The following MSTO1 variants were observed in gnomAD, a reference collection of about 807,000 sequenced individuals.
The protein encoded by MSTO1 is protein misato homolog 1.
MSTO1 carries 24 observed loss-of-function variants against 55.7 expected under a neutral mutation model. The observed-to-expected ratio is 0.43, with a 90% CI of 0.31 to 0.61. The LOEUF (loss-of-function observed/expected upper bound fraction) is 0.61. MSTO1 is among the 20% of genes least tolerant of loss of function. The pLI is 0.09. For missense variants in MSTO1, 363 were observed against 625.7 expected, an observed-to-expected ratio of 0.58 and a Z score of 4.48; for synonymous variants, 162 against 252.8, an observed-to-expected ratio of 0.64 and a Z score of 3.41.
At chr1:155,582,605 GC>G in the MSTO1 span, among the ~76,000 whole-genome samples, 2 of 150,990 alleles carry the variant, frequency 1.3e-5, no homozygotes, top group African/African-American at 4.9e-5. Flanking sequence ...ATTACAAGGT[GC>G]CCACAACAAC....
chr1:155,572,681 G>C, the MSTO1 span, among the ~76,000 whole-genome samples: 1 of 151,706 alleles, frequency 6.6e-6, no homozygotes, highest in African/African-American at 2.4e-5. Flanking sequence ...ATGGAGTTTC[G>C]CTCTTGTTGC....
At chr1:155,610,065 G>C (rs964094172), upstream of MSTO1, 1 of 633,118 alleles carries the variant, frequency 1.6e-6, no homozygotes, top group African/African-American at 1.9e-5. Context: ...CAGAGAAGCC[G>C]GACTGGGCCA....
At chr1:155,609,233 AT>A, upstream of MSTO1, among the ~76,000 whole-genome samples, 1 of 47,744 alleles carries the variant, frequency 2.1e-5, no homozygotes, top group African/African-American at 6.5e-5. Flanking sequence ...ATATATATAT[AT>A]ATATATATAT....
chr1:155,597,620 C>G, the MSTO1 span, among the ~76,000 whole-genome samples: 1 of 151,018 alleles, frequency 6.6e-6, no homozygotes, highest in South Asian at 2.1e-4. Flanking sequence ...AGCGATTCTC[C>G]CGTCTCAGCC....
At position 155,613,545 on chromosome 1, in the gene MSTO1, A is replaced by G; in HGVS notation, c.1367A>G (p.Gln456Arg). The G allele has an allele frequency of 6.2e-7, 1 of 1,612,800 alleles. No individual in the cohort carries two copies. The highest frequency in any genetic ancestry group is 8.5e-7 in the Non-Finnish European group (1 of 1,179,390). ...GAAATCTTGGCTCAGTATTTACAAC[A>G]GCAGCAGCCTGGAGTCATGAGGTCA... The part of the protein sequence containing the change: ...GEEILAQYLQ[Q>R]QQPGVMSSSH... Residue 456 changes from glutamine to arginine, a missense_variant, in exon 12 of 14, where the codon CAG becomes CGG. Physicochemically the swap from Gln to Arg is conservative, Grantham distance 43. Coordinates refer to ENST00000245564, the MANE Select transcript of MSTO1 (RefSeq NM_018116.4).
the MSTO1 span, among the ~76,000 whole-genome samples, chr1:155,580,907 CAAAAAA>C: frequency 1.1e-5 from 1 of 91,704 alleles, no homozygotes. Context: ...GACTCTGTCT[CAAAAAA>C]AAAAAAAAAA....
chr1:155,572,069 C>T, the MSTO1 span, among the ~76,000 whole-genome samples: 1 of 151,120 alleles, frequency 6.6e-6, no homozygotes, highest in Non-Finnish European at 1.5e-5. Context: ...AGAAATTAGT[C>T]TTTGTGAGCC....
chr1:155,590,475 A>G, the MSTO1 span: 1 of 489,968 alleles, frequency 2.0e-6, no homozygotes. Flanking sequence ...ATGAATTTTA[A>G]ATACCCTCAG....
chr1:155,605,123 T>C, the MSTO1 span, among the ~76,000 whole-genome samples: 8 of 152,026 alleles, frequency 5.3e-5, no homozygotes, highest in South Asian at 2.1e-4. Flanking sequence ...TAGCCAGGCA[T>C]GGTGGTGGGC....
chr1:155,612,643 T>C, intron 9 of MSTO1, 73 bp downstream of exon 9: 1 of 1,525,886 alleles, frequency 6.6e-7, no homozygotes, highest in South Asian at 1.2e-5. Flanking sequence ...AGCCGCTGTC[T>C]GTTACTGGCT....
upstream of MSTO1, among the ~76,000 whole-genome samples, chr1:155,608,461 T>TGA (rs1673024055): frequency 6.6e-6 from 1 of 151,834 alleles, no homozygotes; most frequent in African/African-American, 2.4e-5. Flanking sequence ...AATACAGGCG[T>TGA]GAGCCTCTGC....
At position 155,612,797 on chromosome 1, in the gene MSTO1, C is replaced by A. The variant is rs539221856; in HGVS notation, c.967-47C>A. On this transcript the variant is annotated intron_variant, in intron 9 of 13. Transcript: ENST00000245564. Reference sequence around the variant, plus strand: ...TGTTAATATTCTGCCTCCACACATTCTTTTCCAGGCCTGAGGCCAAGTGCC... The same window carrying A: ...TGTTAATATTCTGCCTCCACACATTATTTTCCAGGCCTGAGGCCAAGTGCC... 4 of 1,608,814 alleles carry A rather than the reference C, an allele frequency of 2.5e-6. No homozygotes were observed. In the South Asian group the frequency reaches 4.4e-5, roughly 18 times the overall value.
the MSTO1 span, among the ~76,000 whole-genome samples, chr1:155,596,936 C>G: frequency 6.6e-6 from 1 of 152,228 alleles, no homozygotes; most frequent in Admixed American, 6.5e-5. Context: ...AACCTCATCT[C>G]TATCCAAAAA....
chr1:155,609,988 A>C (rs1007953986), upstream of MSTO1: 2 of 496,812 alleles, frequency 4.0e-6, no homozygotes, highest in East Asian at 7.1e-5. Flanking sequence ...GACGGCGCCC[A>C]CCCCGCTCCA....
the MSTO1 span, among the ~76,000 whole-genome samples, chr1:155,590,051 G>A: frequency 6.6e-6 from 1 of 151,940 alleles, no homozygotes; most frequent in African/African-American, 2.4e-5. Context: ...TTGGAGGTGG[G>A]GGCGGGGGTC....
the MSTO1 span, among the ~76,000 whole-genome samples, chr1:155,591,499 A>C: frequency 6.6e-6 from 1 of 152,166 alleles, no homozygotes; most frequent in Admixed American, 6.6e-5. Context: ...TAAAGATTTC[A>C]TTTTGCTGTA....
At chr1:155,591,498 C>G in the MSTO1 span, among the ~76,000 whole-genome samples, 1 of 152,122 alleles carries the variant, frequency 6.6e-6, no homozygotes, top group Admixed American at 6.6e-5. Flanking sequence ...CTAAAGATTT[C>G]ATTTTGCTGT....
the MSTO1 span, among the ~76,000 whole-genome samples, chr1:155,599,241 CATG>C: frequency 6.6e-6 from 1 of 152,024 alleles, no homozygotes; most frequent in Non-Finnish European, 1.5e-5. Context: ...GCTCATCCAT[CATG>C]ATTTCTTCGT....
chr1:155,613,610 C>T (rs764212166), intron 12 of MSTO1, 44 bp downstream of exon 12: 16 of 1,582,880 alleles, frequency 1.0e-5, no homozygotes, highest in East Asian at 2.3e-5. Flanking sequence ...AACCGCAACC[C>T]TCCCTTGACT....
Sources: gnomAD v4.1 joint callset for allele counts (sites outside exome capture counted in the v4.1 genomes callset) on GRCh38, gnomAD v4.1.1 for gene constraint, MANE v1.5 for transcripts, NCBI Gene and HGNC (gene_info 2026-07-23, HGNC 2026-07-21) for gene names.